Variants in SLC12A1 observed in about 807,000 individuals in gnomAD.
SLC12A1 encodes the protein Na-K-2Cl cotransporter.
In SLC12A1, 89 loss-of-function variants were observed where a neutral mutation model predicts 130.4. That is an observed-to-expected ratio of 0.68 (90% CI 0.58 to 0.81). The LOEUF is 0.81. Among genes scored for constraint, SLC12A1 ranks in the 40% least tolerant of loss-of-function variants. The pLI is 0.00. For synonymous variants in SLC12A1, 499 were observed against 460.0 expected (o/e 1.08, Z -1.09); for missense variants, 1,310 against 1,336.4 (o/e 0.98, Z 0.31).
At chr15:48,240,297 CTTCT>C (rs1328314613) in intron 9 of SLC12A1, among the ~76,000 whole-genome samples, 2 of 151,530 alleles carry the variant, frequency 1.3e-5, no homozygotes, top group Non-Finnish European at 2.9e-5. Context: ...CTTCTTTTTC[CTTCT>C]GTGTGCTGCC....
chr15:48,294,886 C>A (rs893856957), intron 24 of SLC12A1, among the ~76,000 whole-genome samples: 4 of 103,982 alleles, frequency 3.8e-5, no homozygotes, highest in African/African-American at 2.1e-4. Flanking sequence ...AATTATCCAC[C>A]CACTTCTTTT....
At chr15:48,249,309 T>A (rs1024476350) in intron 13 of SLC12A1, among the ~76,000 whole-genome samples, 1 of 114,586 alleles carries the variant, frequency 8.7e-6, no homozygotes, top group Non-Finnish European at 1.7e-5. Context: ...CAGTCGCACA[T>A]CTACCCATTG....
intron 20 of SLC12A1, among the ~76,000 whole-genome samples, chr15:48,276,455 TG>T (rs894498667): frequency 6.6e-5 from 10 of 152,112 alleles, no homozygotes; most frequent in African/African-American, 2.4e-4. Flanking sequence ...GTTATTTGGG[TG>T]GGCCCTAATC....
At chr15:48,296,349 G>A (rs2042177411) in intron 24 of SLC12A1, among the ~76,000 whole-genome samples, 1 of 152,144 alleles carries the variant, frequency 6.6e-6, no homozygotes, top group Non-Finnish European at 1.5e-5. Flanking sequence ...GTAGGGCAAG[G>A]GTGAAAGGGA....
chr15:48,259,354 C>A, intron 17 of SLC12A1, 43 bp downstream of exon 17: 2 of 1,269,266 alleles, frequency 1.6e-6, no homozygotes, highest in Non-Finnish European at 2.3e-6. Flanking sequence ...TTCCTCCCTG[C>A]TTATCTTGGA....
chr15:48,267,354 T>A (rs1373623077), intron 17 of SLC12A1, among the ~76,000 whole-genome samples: 2 of 152,182 alleles, frequency 1.3e-5, no homozygotes, highest in Non-Finnish European at 2.9e-5. Flanking sequence ...TCAGTCTAGA[T>A]GTTTTGGGTA....
At position 48,254,816 on chromosome 15, in the gene SLC12A1, C is replaced by T. The variant is rs375312859; in HGVS notation, c.1943-995C>T. 2.0e-5 allele frequency among the ~76,000 whole-genome samples: 3 copies of T among 151,030 alleles called. No individual in the cohort carries two copies. The East Asian group carries it at 5.9e-4, about 30-fold the overall frequency. ...GCGGGCGCCTGTAGTCCCAGCTACT[C>T]GGGAGGCTGAGGCAGAAGAATGGCG... On this transcript the variant is annotated intron_variant, in intron 15 of 26. Transcript: ENST00000380993.
intron 9 of SLC12A1, chr15:48,237,283 T>A (rs2041450941): frequency 2.1e-6 from 1 of 467,980 alleles, no homozygotes; most frequent in Admixed American, 3.8e-5. Flanking sequence ...CTAATGAGAA[T>A]TATTTTAAGT....
rs535553470 is a variant in SLC12A1 at position 48,229,874 on chromosome 15, A to G, written c.865-519A>G. On this transcript the variant is annotated intron_variant, in intron 6 of 26. Coordinates refer to ENST00000380993, the MANE Select transcript of SLC12A1 (RefSeq NM_000338.3). ...GTCCTTTTCTCATAGTAATGATAGC[A>G]TTCACTGAATTCAATTGGTAAAAGT... Among the ~76,000 whole-genome samples, 3 of 152,342 alleles carry G rather than the reference A, an allele frequency of 2.0e-5. No homozygotes were observed. In the East Asian group the frequency reaches 5.8e-4, roughly 29 times the overall value.
At chr15:48,235,336 C>G (rs2041428039) in intron 9 of SLC12A1, 1 of 244,658 alleles carries the variant, frequency 4.1e-6, no homozygotes, top group Non-Finnish European at 7.9e-6. Flanking sequence ...GAATATTTTC[C>G]TGTAAAAGTA....
intron 2 of SLC12A1, among the ~76,000 whole-genome samples, 181 bp from the exon 3 acceptor site, chr15:48,220,453 G>T (rs1339539084): frequency 6.6e-6 from 1 of 152,070 alleles, no homozygotes; most frequent in Non-Finnish European, 1.5e-5. Context: ...CTCACAAAAT[G>T]AACCTTTCAG....
At chr15:48,282,711 C>T (rs2042020702) in intron 20 of SLC12A1, among the ~76,000 whole-genome samples, 1 of 152,062 alleles carries the variant, frequency 6.6e-6, no homozygotes. Flanking sequence ...CTTTAGGGTC[C>T]TCCTTTTAAA....
chr15:48,283,546 C>T (rs2042028538), intron 20 of SLC12A1, among the ~76,000 whole-genome samples: 3 of 152,198 alleles, frequency 2.0e-5, no homozygotes, highest in African/African-American at 4.8e-5. Context: ...TCATGCCACT[C>T]GCAAAAGATT....
chr15:48,229,390 A>G (rs2141032213), intron 6 of SLC12A1, 62 bp downstream of exon 6: 1 of 1,471,692 alleles, frequency 6.8e-7, no homozygotes, highest in East Asian at 2.5e-5. Flanking sequence ...TTGCCTTCTC[A>G]GGGCACTAAG....
intron 10 of SLC12A1, among the ~76,000 whole-genome samples, chr15:48,244,282 C>T (rs1226951340): frequency 6.6e-6 from 1 of 152,178 alleles, no homozygotes. Flanking sequence ...TGTTTGATAA[C>T]TTATGCAAGG....
At position 48,251,728 on chromosome 15, in the gene SLC12A1, A is replaced by T; in HGVS notation, c.1900A>T (p.Ile634Phe). Reference protein sequence around the residue: ...NWWAAVITYVIEFFLYVYVTC... With the variant: ...NWWAAVITYVFEFFLYVYVTC... ...GTGGGCAGCTGTCATCACCTATGTC[A>T]TTGAATTCTTCCTTTACGTCTATGT... The change falls in exon 15 of 27, where the codon ATT (isoleucine) becomes TTT (phenylalanine). Residue 634 changes from isoleucine to phenylalanine, a missense_variant. Ile to Phe is a conservative substitution (Grantham distance 21, BLOSUM62 0). Coordinates refer to ENST00000380993, the MANE Select transcript of SLC12A1 (RefSeq NM_000338.3). 6.2e-7 allele frequency: 1 copy of T among 1,613,916 alleles called. No individual in the cohort carries two copies. The highest frequency in any genetic ancestry group is 8.5e-7 in the Non-Finnish European group (1 of 1,179,834).
intron 9 of SLC12A1, among the ~76,000 whole-genome samples, chr15:48,239,320 G>C (rs950668474): frequency 6.6e-6 from 1 of 151,970 alleles, no homozygotes; most frequent in African/African-American, 2.4e-5. Context: ...AGACCAGCCT[G>C]AGCAACATGG....
At chr15:48,255,083 A>G (rs1381510314) in intron 15 of SLC12A1, among the ~76,000 whole-genome samples, 1 of 152,164 alleles carries the variant, frequency 6.6e-6, no homozygotes, top group Non-Finnish European at 1.5e-5. Flanking sequence ...CAGTTTTACT[A>G]TTCAAAATAT....
intron 24 of SLC12A1, among the ~76,000 whole-genome samples, chr15:48,293,441 C>G (rs1455996665): frequency 6.6e-6 from 1 of 152,144 alleles, no homozygotes; most frequent in Non-Finnish European, 1.5e-5. Context: ...CAAGAGGAAT[C>G]ATACAGAGGG....
Sources: gnomAD v4.1 joint callset for allele counts (sites outside exome capture counted in the v4.1 genomes callset) on GRCh38, gnomAD v4.1.1 for gene constraint, MANE v1.5 for transcripts, NCBI Gene and HGNC (gene_info 2026-07-23, HGNC 2026-07-21) for gene names.